Variants in DNAJA3 observed in about 807,000 individuals in gnomAD.
The protein encoded by DNAJA3 is dnaJ homolog subfamily A member 3, mitochondrial.
In DNAJA3, 29 loss-of-function variants were observed where a neutral mutation model predicts 54.9. The observed-to-expected ratio is 0.53, with a 90% CI of 0.39 to 0.72. The LOEUF is 0.72. DNAJA3 is among the 30% of genes least tolerant of loss of function. The probability of loss-of-function intolerance (pLI) is 0.00; values close to 1 mark genes in which losing one functional copy is unlikely to be tolerated. For missense variants in DNAJA3, 708 were observed against 639.4 expected, an observed-to-expected ratio of 1.11 and a Z score of -1.16; for synonymous variants, 302 against 251.4, an observed-to-expected ratio of 1.20 and a Z score of -1.90.
At chr16:4,434,760 A>T (rs1239189576) in intron 2 of DNAJA3, among the ~76,000 whole-genome samples, 1 of 151,918 alleles carries the variant, frequency 6.6e-6, no homozygotes, top group Non-Finnish European at 1.5e-5. Flanking sequence ...TTTTTTCTAG[A>T]GCTGTTTTCA....
At chr16:4,435,089 G>C (rs7204833) in intron 2 of DNAJA3, among the ~76,000 whole-genome samples, 1 of 151,612 alleles carries the variant, frequency 6.6e-6, no homozygotes, top group Non-Finnish European at 1.5e-5. Context: ...TAGTAGAGAC[G>C]CGGTTTCACT....
intron 1 of DNAJA3, among the ~76,000 whole-genome samples, chr16:4,432,058 G>T (rs984563495): frequency 1.3e-5 from 2 of 151,408 alleles, no homozygotes; most frequent in African/African-American, 2.4e-5. Flanking sequence ...ATCTAGTTTA[G>T]TTATAGGTAT....
At chr16:4,452,722 A>G (rs1168540043) in intron 10 of DNAJA3, among the ~76,000 whole-genome samples, 1 of 152,152 alleles carries the variant, frequency 6.6e-6, no homozygotes, top group Non-Finnish European at 1.5e-5. Context: ...CAGCCTGGGC[A>G]ATATAGCGAG....
At chr16:4,438,635 C>CTTTTTTTTTT (rs56211652) in intron 3 of DNAJA3, among the ~76,000 whole-genome samples, 16 of 110,636 alleles carry the variant, frequency 1.4e-4, no homozygotes, top group Non-Finnish European at 2.1e-4. Context: ...ACAATCTTTT[C>CTTTTTTTTTT]TTTTTTTTTT....
In DNAJA3 at chr16:4,437,275, G is replaced by C. The variant is rs2056782885; in HGVS notation, c.346-127G>C. ...CGTGAGCCACTGCACCCAGCCGAGAGACAACTTTTATAAAGGGAACATAAT... is the reference window on the plus strand; with the variant it reads ...CGTGAGCCACTGCACCCAGCCGAGACACAACTTTTATAAAGGGAACATAAT... On this transcript the variant is annotated intron_variant, in intron 2 of 11. Transcript: ENST00000262375. 3.7e-6 allele frequency: 3 copies of C among 820,746 alleles called. No individual in the cohort carries two copies. The African/African-American group carries it at 5.1e-5, about 14-fold the overall frequency. The allele number at this position is 820,746 out of a possible 1,614,324, so 50.8% of individuals were successfully genotyped here.
At chr16:4,442,674 T>C (rs1327513734) in intron 5 of DNAJA3, 5 of 524,026 alleles carry the variant, frequency 9.5e-6, no homozygotes, top group African/African-American at 1.9e-5. Context: ...CTTTCTTCTT[T>C]ATTTTTCTAA....
intron 3 of DNAJA3, chr16:4,441,135 G>A (rs1305841559): frequency 2.5e-5 from 14 of 549,430 alleles, no homozygotes; most frequent in Non-Finnish European, 3.8e-5. Flanking sequence ...CAGCATGCGC[G>A]ACGGCGGGAG....
intron 1 of DNAJA3, chr16:4,427,102 G>A (rs1050173145): frequency 6.6e-6 from 1 of 152,102 alleles, no homozygotes; most frequent in East Asian, 1.9e-4. Flanking sequence ...ATCTTTAATA[G>A]AGACGGGATT....
At chr16:4,442,938 T>G (rs2056854071) in intron 5 of DNAJA3, 79 bp from the exon 6 acceptor site, 3 of 1,511,840 alleles carry the variant, frequency 2.0e-6, no homozygotes, top group Non-Finnish European at 2.7e-6. Context: ...GAGACATTTT[T>G]CTTACGCACA....
At chr16:4,444,345 C>CTTTTT (rs1290640054) in intron 6 of DNAJA3, among the ~76,000 whole-genome samples, 2 of 137,422 alleles carry the variant, frequency 1.5e-5, no homozygotes, top group Non-Finnish European at 3.2e-5. Flanking sequence ...TTTTTCTTTT[C>CTTTTT]TTTTTTTTTT....
At chr16:4,442,575 C>A in intron 5 of DNAJA3, 155 bp downstream of exon 5, 1 of 877,686 alleles carries the variant, frequency 1.1e-6, no homozygotes, top group Non-Finnish European at 1.6e-6. Context: ...AGGAGACGAG[C>A]CTGTGCTCCT....
At position 4,454,929 on chromosome 16, in the gene DNAJA3, T is replaced by C; in HGVS notation, c.*13+2T>C. 1.3e-6 allele frequency: 2 copies of C among 1,598,868 alleles called. No individual in the cohort carries two copies. The highest frequency in any genetic ancestry group is 1.7e-6 in the Non-Finnish European group (2 of 1,167,346). ...TTACCTCATGATATCCCAGCCGAGG[T>C]AGGAAAACCCTGGAGGTTTTTTTTC... On this transcript the variant is annotated splice_donor_variant, in intron 11 of 11. Transcript: ENST00000262375. LOFTEE classifies it low-confidence loss of function (3UTR_SPLICE).
intron 10 of DNAJA3, among the ~76,000 whole-genome samples, chr16:4,452,886 G>C (rs1219715951): frequency 6.6e-6 from 1 of 152,164 alleles, no homozygotes; most frequent in Admixed American, 6.5e-5. Flanking sequence ...ACTCCAGCCT[G>C]GGTGCCAGGG....
chr16:4,443,687 C>CTTT (rs34123742), intron 6 of DNAJA3, among the ~76,000 whole-genome samples: 1 of 149,106 alleles, frequency 6.7e-6, no homozygotes. Context: ...CCTCCCTGTT[C>CTTT]TTTTTTTTTT....
chr16:4,432,730 G>A (rs953397964), intron 1 of DNAJA3, among the ~76,000 whole-genome samples: 1 of 152,152 alleles, frequency 6.6e-6, no homozygotes, highest in Non-Finnish European at 1.5e-5. Flanking sequence ...CAGTTACTTG[G>A]GAGGCTGAGG....
intron 1 of DNAJA3, chr16:4,430,405 T>C (rs758442670): frequency 1.3e-5 from 2 of 151,418 alleles, no homozygotes; most frequent in Admixed American, 1.3e-4. Context: ...CTACTAAAAA[T>C]AGAAAAAGTT....
At chr16:4,439,835 C>T (rs2056817712) in intron 3 of DNAJA3, among the ~76,000 whole-genome samples, 1 of 152,186 alleles carries the variant, frequency 6.6e-6, no homozygotes, top group South Asian at 2.1e-4. Flanking sequence ...ACCCTAGGCA[C>T]CAAGCTGTCC....
intron 3 of DNAJA3, among the ~76,000 whole-genome samples, chr16:4,438,115 G>T (rs1430166693): frequency 1.3e-5 from 2 of 152,028 alleles, no homozygotes. Flanking sequence ...AGGAGATCGA[G>T]ACCATCCCGG....
chr16:4,444,204 C>T (rs2056873915), intron 6 of DNAJA3, among the ~76,000 whole-genome samples: 3 of 152,128 alleles, frequency 2.0e-5, no homozygotes, highest in Non-Finnish European at 2.9e-5. Flanking sequence ...TACCCATGTG[C>T]CTCTTAGATA....
Sources: allele counts gnomAD v4.1 joint callset (sites outside exome capture counted in the v4.1 genomes callset), GRCh38; gene constraint gnomAD v4.1.1; transcripts MANE v1.5; gene names NCBI Gene and HGNC (gene_info 2026-07-23, HGNC 2026-07-21).